SAMD8: variants seen among roughly 807,000 people sequenced by gnomAD.
SAMD8 encodes the protein sphingomyelin synthase-related protein 1.
Under a neutral mutation model 42.0 loss-of-function variants are expected in SAMD8, and 20 were observed. The ratio of observed to expected loss-of-function variants is 0.48; its 90% confidence interval spans 0.34 to 0.69. The LOEUF is 0.69. Ranked by LOEUF, SAMD8 falls within the 30% of genes least tolerant of loss-of-function variation. The pLI is 0.01. For synonymous variants in SAMD8, 162 were observed against 173.0 expected, an observed-to-expected ratio of 0.94 and a Z score of 0.50; for missense variants, 328 against 511.6, an observed-to-expected ratio of 0.64 and a Z score of 3.46.
chr10:75,161,335 T>A (rs1029497049), intron 2 of SAMD8, among the ~76,000 whole-genome samples: 14 of 152,110 alleles, frequency 9.2e-5, no homozygotes, highest in African/African-American at 3.4e-4. Context: ...AAGATTCCTT[T>A]CCTTGGAAAA....
intron 1 of SAMD8, among the ~76,000 whole-genome samples, chr10:75,134,324 T>C (rs1436365381): frequency 6.6e-6 from 1 of 152,160 alleles, no homozygotes; most frequent in African/African-American, 2.4e-5. Flanking sequence ...GTCCTGCTCA[T>C]GTATCCCGGA....
intron 1 of SAMD8, among the ~76,000 whole-genome samples, chr10:75,106,340 T>G (rs2134389620): frequency 6.6e-6 from 1 of 151,966 alleles, no homozygotes; most frequent in Non-Finnish European, 1.5e-5. Context: ...GAACTTGCAG[T>G]TCCTTGAGGC....
At chr10:75,164,436 G>A (rs1840629559) in intron 2 of SAMD8, 1 of 838,540 alleles carries the variant, frequency 1.2e-6, no homozygotes, top group Non-Finnish European at 1.4e-6. Context: ...CCCTAACTGG[G>A]AATCAATGGA....
At chr10:75,107,916 T>C, upstream of SAMD8, 2 of 1,476,848 alleles carry the variant, frequency 1.4e-6, no homozygotes, top group Non-Finnish European at 1.8e-6. Context: ...GGGAGGGCAC[T>C]GATGACTGAG....
upstream of SAMD8, among the ~76,000 whole-genome samples, chr10:75,108,767 T>A (rs1337569287): frequency 6.6e-6 from 1 of 152,130 alleles, no homozygotes; most frequent in East Asian, 1.9e-4. Flanking sequence ...CTGGAAATGT[T>A]TCCTGGAACT....
At chr10:75,171,214 G>A (rs1156480248) in intron 4 of SAMD8, among the ~76,000 whole-genome samples, 3 of 121,342 alleles carry the variant, frequency 2.5e-5, no homozygotes, top group South Asian at 2.8e-4. Context: ...TCACTCAGGC[G>A]GGAGTGCAGT....
chr10:75,128,513 A>G (rs1048253866), intron 1 of SAMD8, among the ~76,000 whole-genome samples: 3 of 152,214 alleles, frequency 2.0e-5, no homozygotes, highest in African/African-American at 7.2e-5. Context: ...TACCCAGCTT[A>G]GATATTTTTA....
At chr10:75,136,385 A>T (rs1839886229) in intron 1 of SAMD8, among the ~76,000 whole-genome samples, 1 of 152,190 alleles carries the variant, frequency 6.6e-6, no homozygotes, top group Non-Finnish European at 1.5e-5. Flanking sequence ...GAGCTGAAAA[A>T]CATATCCTGC....
intron 1 of SAMD8, among the ~76,000 whole-genome samples, chr10:75,131,059 A>G (rs1849263833): frequency 6.6e-6 from 1 of 152,222 alleles, no homozygotes; most frequent in Admixed American, 6.5e-5. Context: ...AGAACCCTCA[A>G]AACAACTAGG....
chr10:75,111,788 G>C (rs1349796938), intron 1 of SAMD8, 66 bp downstream of exon 1: 27 of 1,231,830 alleles, frequency 2.2e-5, no homozygotes, highest in Non-Finnish European at 2.7e-5. Context: ...GGTGAGTGGG[G>C]AGTCTGGGAT....
chr10:75,144,592 G>A (rs1367745665), intron 1 of SAMD8, among the ~76,000 whole-genome samples: 1 of 152,074 alleles, frequency 6.6e-6, no homozygotes, highest in Non-Finnish European at 1.5e-5. Context: ...CCTTTTTAAG[G>A]CTGAATAATA....
chr10:75,112,459 G>T (rs926382851), intron 1 of SAMD8, among the ~76,000 whole-genome samples: 8 of 147,370 alleles, frequency 5.4e-5, no homozygotes, highest in African/African-American at 2.2e-4. Flanking sequence ...GGGCTTTCTC[G>T]TTCGTGCACA....
rs956854045 is a variant in SAMD8 at position 75,164,460 on chromosome 10, C to T, written c.579-185C>T. On this transcript the variant is annotated intron_variant, in intron 2 of 5. Transcript: ENST00000542569. ...GGAATCAATGGACAAGAAACAGGTT[C>T]CGATAGGTGGGGGTACTTTATGACA... is the stretch of plus-strand genomic sequence containing the variant. 5 of 968,232 alleles carry T rather than the reference C, an allele frequency of 5.2e-6. No individual in the cohort carries two copies. In the African/African-American group the frequency reaches 7.1e-5, roughly 14 times the overall value. 60.0% of individuals were successfully genotyped at this position (968,232 alleles called of 1,614,324 possible).
In SAMD8 at chr10:75,164,638, G is replaced by C. The variant is rs759134808; in HGVS notation, c.579-7G>C. 6.2e-7 allele frequency: 1 copy of C among 1,612,502 alleles called. No individual in the cohort carries two copies. The highest frequency in any genetic ancestry group is 1.7e-5 in the Admixed American group (1 of 59,774). ...CTTCAATTCAAAATCATTTTTTTCT[G>C]TTCCAGCGTTCCTAGAATCCCATGG... On this transcript the variant is annotated splice_polypyrimidine_tract_variant and splice_region_variant and intron_variant, in intron 2 of 5. Transcript: ENST00000542569.
chr10:75,156,478 T>TTAC (rs1388381245), intron 2 of SAMD8, among the ~76,000 whole-genome samples: 1 of 152,124 alleles, frequency 6.6e-6, no homozygotes, highest in Non-Finnish European at 1.5e-5. Flanking sequence ...ATCTCACCTA[T>TTAC]TACTTAATTA....
intron 1 of SAMD8, among the ~76,000 whole-genome samples, chr10:75,100,006 T>G (rs1479572958): frequency 6.6e-6 from 1 of 152,110 alleles, no homozygotes; most frequent in Non-Finnish European, 1.5e-5. Context: ...ACAGCCACAC[T>G]GGTCTGGAGC....
chr10:75,101,402 T>C (rs1164179067), intron 1 of SAMD8, among the ~76,000 whole-genome samples: 7 of 152,202 alleles, frequency 4.6e-5, no homozygotes, highest in African/African-American at 1.4e-4. Context: ...CCATATCCTA[T>C]GTGGAGGGTA....
At chr10:75,108,811 T>A (rs1395112317), upstream of SAMD8, among the ~76,000 whole-genome samples, 5 of 152,158 alleles carry the variant, frequency 3.3e-5, no homozygotes, top group Admixed American at 3.3e-4. Context: ...GCAGGCGAAG[T>A]CCCTGCTCTC....
At chr10:75,165,071 A>G (rs369979316) in intron 3 of SAMD8, among the ~76,000 whole-genome samples, 4 of 151,812 alleles carry the variant, frequency 2.6e-5, no homozygotes, top group Non-Finnish European at 5.9e-5. Flanking sequence ...CAGGCGGATC[A>G]CCTGAGGTTA....
Sources: gnomAD v4.1 joint callset for allele counts (sites outside exome capture counted in the v4.1 genomes callset) on GRCh38, gnomAD v4.1.1 for gene constraint, MANE v1.5 for transcripts, NCBI Gene and HGNC (gene_info 2026-07-23, HGNC 2026-07-21) for gene names.